FAM178B: variants seen among roughly 807,000 people sequenced by gnomAD.
FAM178B encodes the protein protein FAM178B.
Under a neutral mutation model 91.7 loss-of-function variants are expected in FAM178B, and 82 were observed. The ratio of observed to expected loss-of-function variants is 0.89; its 90% CI spans 0.75 to 1.07. The LOEUF (loss-of-function observed/expected upper bound fraction) is 1.07, where lower values mean the gene tolerates loss of function less well. Ranked by LOEUF, FAM178B falls within the 50% of genes least tolerant of loss-of-function variation. The pLI is 0.00. For synonymous variants in FAM178B, 368 were observed against 359.4 expected (o/e 1.02, Z -0.27); for missense variants, 769 against 846.7 (o/e 0.91, Z 1.14).
intron 12 of FAM178B, among the ~76,000 whole-genome samples, chr2:96,920,238 C>T (rs1489000292): frequency 1.3e-5 from 2 of 152,152 alleles, no homozygotes; most frequent in African/African-American, 4.8e-5. Context: ...AGAGAGAAGC[C>T]GGGCCAGATT....
intron 12 of FAM178B, among the ~76,000 whole-genome samples, chr2:96,915,884 A>G (rs1161547304): frequency 6.6e-6 from 1 of 152,080 alleles, no homozygotes; most frequent in African/African-American, 2.4e-5. Flanking sequence ...TTAACCTCAC[A>G]CCCAAAGATG....
intron 12 of FAM178B, among the ~76,000 whole-genome samples, chr2:96,909,018 C>T (rs1330327706): frequency 6.6e-6 from 1 of 151,850 alleles, no homozygotes; most frequent in South Asian, 2.1e-4. Context: ...TGACAGGTAC[C>T]TGTAATGCCT....
intron 8 of FAM178B, among the ~76,000 whole-genome samples, chr2:96,946,120 T>TG (rs2081823738): frequency 6.6e-6 from 1 of 152,138 alleles, no homozygotes; most frequent in Non-Finnish European, 1.5e-5. Flanking sequence ...CTCATATACG[T>TG]GTTTGTTCTT....
intron 8 of FAM178B, among the ~76,000 whole-genome samples, chr2:96,941,935 C>A (rs1366824334): frequency 6.6e-6 from 1 of 152,214 alleles, no homozygotes. Context: ...CATTTCATTT[C>A]TCTTAATCAA....
At position 96,921,233 on chromosome 2, in the gene FAM178B, C is replaced by T. The variant is rs746781226; in HGVS notation, c.1494G>A (p.Trp498Ter). The change falls in exon 12 of 17, where the codon TGG becomes TGA. Residue 498 changes from tryptophan (W) to a stop codon, truncating the protein, a stop_gained. Transcript: ENST00000490605. LOFTEE classifies it high-confidence loss of function. Reference protein sequence around the residue: ...KLQELCCTLSWVSDHHHNLLA... With the variant: ...KLQELCCTLS ...GCAGGTTGTGGTGGTGGTCAGACAC[C>T]CAGCTCAGGGTGCAGCACAGTTCCT... is the stretch of plus-strand genomic sequence containing the variant. 4.5e-6 allele frequency: 7 copies of T among 1,551,408 alleles called. No individual in the cohort carries two copies. The highest frequency in any genetic ancestry group is 6.1e-6 in the Non-Finnish European group (7 of 1,146,964).
chr2:96,979,266 C>T (rs1574328312), intron 1 of FAM178B, among the ~76,000 whole-genome samples: 2 of 141,952 alleles, frequency 1.4e-5, no homozygotes, highest in African/African-American at 2.7e-5. Flanking sequence ...TGAGCCACTG[C>T]GCCCAGGCAT....
At chr2:96,893,800 C>A in intron 14 of FAM178B, 126 bp downstream of exon 14, 1 of 1,219,700 alleles carries the variant, frequency 8.2e-7, no homozygotes. Flanking sequence ...TTGGTCTCTG[C>A]CCTGGCATGG....
chr2:96,895,090 C>T (rs751860222), intron 13 of FAM178B: 70 of 1,289,398 alleles, frequency 5.4e-5, no homozygotes, highest in African/African-American at 1.7e-4. Flanking sequence ...ATCTTCATTC[C>T]GCCTGGCCTG....
chr2:96,960,508 G>T, intron 5 of FAM178B, 68 bp from the exon 6 acceptor site: 3 of 1,471,108 alleles, frequency 2.0e-6, no homozygotes, highest in Non-Finnish European at 1.8e-6. Flanking sequence ...ATGGCCATTA[G>T]CCCAGGGAAG....
At chr2:96,883,830 TCC>T (rs1384253130) in intron 14 of FAM178B, among the ~76,000 whole-genome samples, 2 of 152,172 alleles carry the variant, frequency 1.3e-5, no homozygotes, top group African/African-American at 4.8e-5. Flanking sequence ...TCTTGCTTTC[TCC>T]TTTCCATGCT....
intron 1 of FAM178B, among the ~76,000 whole-genome samples, chr2:96,973,485 G>T (rs1374252305): frequency 6.6e-6 from 1 of 152,160 alleles, no homozygotes; most frequent in Non-Finnish European, 1.5e-5. Context: ...GGAACTGCCT[G>T]TCTCCAGTCA....
chr2:96,948,714 G>A (rs1331482356), intron 7 of FAM178B, among the ~76,000 whole-genome samples: 1 of 152,218 alleles, frequency 6.6e-6, no homozygotes, highest in African/African-American at 2.4e-5. Flanking sequence ...CAGGGGCTGG[G>A]CAGTGTCGCT....
chr2:96,924,621 C>G (rs958231672), intron 9 of FAM178B, among the ~76,000 whole-genome samples: 1 of 152,236 alleles, frequency 6.6e-6, no homozygotes, highest in African/African-American at 2.4e-5. Context: ...CACGCGCTCA[C>G]AGGACGAGAG....
chr2:96,880,829 T>G (rs987192607), intron 14 of FAM178B, among the ~76,000 whole-genome samples: 1 of 152,080 alleles, frequency 6.6e-6, no homozygotes, highest in East Asian at 1.9e-4. Flanking sequence ...CTCCTGACCT[T>G]GTGATCCGCC....
chr2:96,982,012 A>G (rs1311705406), intron 1 of FAM178B, among the ~76,000 whole-genome samples: 3 of 152,032 alleles, frequency 2.0e-5, no homozygotes, highest in Non-Finnish European at 4.4e-5. Flanking sequence ...GGTTGCAGTG[A>G]GCTGTGATCG....
intron 12 of FAM178B, among the ~76,000 whole-genome samples, chr2:96,909,170 A>G (rs974991017): frequency 1.8e-4 from 28 of 152,090 alleles, no homozygotes; most frequent in Non-Finnish European, 3.1e-4. Flanking sequence ...AGAAAAAAGA[A>G]AAAAGAAAAC....
At chr2:96,893,776 A>T in intron 14 of FAM178B, 150 bp downstream of exon 14, 1 of 977,084 alleles carries the variant, frequency 1.0e-6, no homozygotes, top group Admixed American at 3.0e-5. Context: ...TGCTCAACAC[A>T]GGGAGGCAGC....
At chr2:96,944,765 C>A (rs761975028) in intron 8 of FAM178B, among the ~76,000 whole-genome samples, 1 of 152,170 alleles carries the variant, frequency 6.6e-6, no homozygotes, top group Non-Finnish European at 1.5e-5. Flanking sequence ...TTTGGGAATA[C>A]CAGACCTGCG....
intron 4 of FAM178B, among the ~76,000 whole-genome samples, chr2:96,968,064 A>G (rs910812287): frequency 6.6e-6 from 1 of 151,558 alleles, no homozygotes; most frequent in Non-Finnish European, 1.5e-5. Flanking sequence ...TCAAGGGACA[A>G]CAGGCAAGCA....
Sources: allele counts gnomAD v4.1 joint callset (sites outside exome capture counted in the v4.1 genomes callset), GRCh38; gene constraint gnomAD v4.1.1; transcripts MANE v1.5; gene names NCBI Gene and HGNC (gene_info 2026-07-23, HGNC 2026-07-21).